Variants in PSG1 observed in about 807,000 individuals in gnomAD.
PSG1 encodes pregnancy specific beta-1-glycoprotein 1, also known as pregnancy-specific beta-1-glycoprotein 1.
PSG1 carries 60 observed loss-of-function variants against 41.4 expected under a neutral mutation model. The observed-to-expected ratio is 1.45, with a 90% confidence interval of 1.18 to 1.80. The LOEUF (loss-of-function observed/expected upper bound fraction) is 1.80. PSG1 is among the 40% of genes most tolerant of loss of function. The probability of loss-of-function intolerance (pLI) is 0.00; values close to 1 mark genes in which losing one functional copy is unlikely to be tolerated. For missense variants in PSG1, 806 were observed against 516.9 expected, an observed-to-expected ratio of 1.56 and a Z score of -5.42; for synonymous variants, 256 against 192.9, an observed-to-expected ratio of 1.33 and a Z score of -2.71.
intron 5 of PSG1, chr19:42,867,432 C>A: frequency 1.7e-6 from 1 of 573,050 alleles, no homozygotes; most frequent in Non-Finnish European, 3.1e-6. Context: ...GAGATTAAAT[C>A]TTCACAAACC....
At position 42,870,720 on chromosome 19, in the gene PSG1, T is replaced by C. The variant is rs547778311; in HGVS notation, c.709+1047A>G. ...GTTGTCTTTCTAACAATATTGATTCTTCCAATCCATGAAAATGAAATGTCT... is the reference window on the plus strand; with the variant it reads ...GTTGTCTTTCTAACAATATTGATTCCTCCAATCCATGAAAATGAAATGTCT... On this transcript the variant is annotated intron_variant, in intron 3 of 5. Coordinates refer to ENST00000436291, the MANE Select transcript of PSG1 (RefSeq NM_001184825.2). 2.0e-5 allele frequency: 3 copies of C among 151,872 alleles called. No homozygotes were observed. The East Asian group carries it at 5.8e-4, about 29-fold the overall frequency. The allele number at this position is 151,872 out of a possible 1,614,324, so 9.4% of individuals were successfully genotyped here.
chr19:42,873,027 G>A (rs1047689268), intron 2 of PSG1, among the ~76,000 whole-genome samples: 3 of 151,590 alleles, frequency 2.0e-5, no homozygotes, highest in Non-Finnish European at 4.4e-5. Flanking sequence ...CTATGTACCT[G>A]ATATCAGTGG....
At chr19:42,871,469 T>C (rs2063774302) in intron 3 of PSG1, among the ~76,000 whole-genome samples, 2 of 151,668 alleles carry the variant, frequency 1.3e-5, no homozygotes, top group South Asian at 4.2e-4. Context: ...AGTCACAACA[T>C]TGAAGTCCCA....
Position 42,877,683 on chromosome 19 carries a change from G to A in PSG1, c.430+230C>T, listed in dbSNP as rs567797950. 4.0e-5 allele frequency among the ~76,000 whole-genome samples: 6 copies of A among 151,846 alleles called. No individual in the cohort carries two copies. The South Asian group carries it at 1.3e-3, about 32-fold the overall frequency. ...CTCCTCCTGCTGAGTCCCCCCATCA[G>A]ACTGTCCTTCCTCTGCAGCGAGTGT... is the stretch of plus-strand genomic sequence containing the variant. On this transcript the variant is annotated intron_variant, in intron 2 of 5. Coordinates refer to ENST00000436291, the MANE Select transcript of PSG1 (RefSeq NM_001184825.2).
rs1600485832 is a variant in PSG1 at position 42,867,598 on chromosome 19, T to C, written c.1244-448A>G. On this transcript the variant is annotated intron_variant, in intron 5 of 5. Coordinates refer to ENST00000436291, the MANE Select transcript of PSG1 (RefSeq NM_001184825.2). ...GTGTCATGTTACAAAGAAAGCAGAT[T>C]GTTACTGTACTTGTGCAAATATGTG... The C allele has an allele frequency of 1.9e-5, 13 of 679,060 alleles. No individual in the cohort carries two copies. The East Asian group carries it at 3.4e-4, about 18-fold the overall frequency. 42.1% of individuals were successfully genotyped at this position (679,060 alleles called of 1,614,324 possible).
At chr19:42,867,543 G>T in intron 5 of PSG1, 1 of 624,984 alleles carries the variant, frequency 1.6e-6, no homozygotes, top group South Asian at 2.0e-5. Flanking sequence ...CCGAATCAAA[G>T]CATTGGTAAT....
At chr19:42,876,637 T>A in intron 2 of PSG1, 1 of 279,680 alleles carries the variant, frequency 3.6e-6, no homozygotes, top group South Asian at 4.0e-5. Flanking sequence ...CTTGATCCTC[T>A]CATGACAGTG....
rs1024532604 is a variant in PSG1 at position 42,867,512 on chromosome 19, T to C, written c.1244-362A>G. On this transcript the variant is annotated intron_variant, in intron 5 of 5. Transcript: ENST00000436291. ...CTGCAGTTCATATTGGTTCATTCTATCTATGTTTTTAATATAACATCCGAA... is the reference window on the plus strand; with the variant it reads ...CTGCAGTTCATATTGGTTCATTCTACCTATGTTTTTAATATAACATCCGAA... 3 of 598,070 alleles carry C rather than the reference T, an allele frequency of 5.0e-6. No individual in the cohort carries two copies. The African/African-American group carries it at 5.6e-5, about 11-fold the overall frequency. The allele number at this position is 598,070 out of a possible 1,614,324, so 37.0% of individuals were successfully genotyped here.
rs1303473642 is a variant in PSG1 at position 42,871,956 on chromosome 19, G to A, written c.520C>T (p.Pro174Ser). The A allele has an allele frequency of 9.9e-6, 16 of 1,612,350 alleles. No homozygotes were observed. The highest frequency in any genetic ancestry group is 1.4e-5 in the Non-Finnish European group (16 of 1,179,212). ...ATCCACCACAGGTAGCTTGCGTCTG[G>A]AGTCTCAGGGTCACAGGTTAAGCTC... is the stretch of plus-strand genomic sequence containing the variant. ...AVSLTCDPET[P>S]DASYLWWMNG... is the part of the protein sequence containing the mutation. The change falls in exon 3 of 6, where the codon CCA (proline) becomes TCA (serine). Residue 174 changes from proline (P) to serine (S), a missense_variant. By Grantham distance (74) the Pro-to-Ser change is moderately conservative (BLOSUM62 -1). Coordinates refer to ENST00000436291, the MANE Select transcript of PSG1 (RefSeq NM_001184825.2).
chr19:42,872,418 A>G (rs1314732134), intron 2 of PSG1, among the ~76,000 whole-genome samples: 6 of 151,666 alleles, frequency 4.0e-5, no homozygotes, highest in Non-Finnish European at 8.8e-5. Context: ...TGTTAGTTTC[A>G]GTCTCACTTT....
intron 3 of PSG1, chr19:42,869,524 G>T (rs148328982): frequency 0.027 from 4,607 of 170,156 alleles, 308 homozygotes; most frequent in African/African-American, 0.1. Context: ...ATACTGAGCA[G>T]CCTGGCCTGG....
rs867401793 is a variant in PSG1 at position 42,866,495 on chromosome 19, A to G, written c.*639T>C. On this transcript the variant is annotated 3_prime_UTR_variant, in exon 6 of 6. Coordinates refer to ENST00000436291, the MANE Select transcript of PSG1 (RefSeq NM_001184825.2). ...AAGGTGGTACATGTTTTATTCTGCT[A>G]GAATGTCTTACTGTCACGTTTTACA... The G allele has an allele frequency of 1.2e-5, 2 of 167,580 alleles. No individual in the cohort carries two copies. Among genetic ancestry groups the G allele is most frequent in the South Asian group, 1.6e-4 (1 of 6,170 alleles). The allele number at this position is 167,580 out of a possible 1,614,324, so 10.4% of individuals were successfully genotyped here. A position where few individuals can be genotyped will look rare whatever the true frequency, so the allele number is the denominator to read the frequency against.
chr19:42,867,338 T>G (rs1176146025), intron 5 of PSG1, 188 bp from the exon 6 acceptor site: 5 of 622,022 alleles, frequency 8.0e-6, no homozygotes, highest in African/African-American at 5.5e-5. Flanking sequence ...GTCTGATTGT[T>G]TACATAAGTG....
chr19:42,878,505 C>T (rs995818127), intron 1 of PSG1: 30 of 740,100 alleles, frequency 4.1e-5, no homozygotes, highest in Admixed American at 1.4e-4. Flanking sequence ...AGCAGCATGA[C>T]GCCCATTCCT....
Position 42,879,652 on chromosome 19 carries a change from G to A in PSG1, c.-71C>T, listed in dbSNP as rs1064471. 2.3e-5 allele frequency: 37 copies of A among 1,583,730 alleles called. 1 individual carries two copies. The African/African-American group carries it at 4.5e-4, about 19-fold the overall frequency. On this transcript the variant is annotated 5_prime_UTR_variant, in exon 1 of 6. Transcript: ENST00000436291. Reference sequence around the variant, plus strand: ...ATCCAGAAACTCTCTGAGCACGGCTGTCAGCTGTGCTGTCCTTCCTCTTTC... The same window carrying A: ...ATCCAGAAACTCTCTGAGCACGGCTATCAGCTGTGCTGTCCTTCCTCTTTC...
In PSG1 at chr19:42,867,064, T is replaced by A; in HGVS notation, c.*70A>T. 1 of 772,346 alleles carries A rather than the reference T, an allele frequency of 1.3e-6. No individual in the cohort carries two copies. Among genetic ancestry groups the A allele is most frequent in the Non-Finnish European group, 2.4e-6 (1 of 417,532 alleles). The allele number at this position is 772,346 out of a possible 1,614,324, so 47.8% of individuals were successfully genotyped here. ...TTGTCCACCTCCAGCTTATAGGGCT[T>A]CTGGAACAGAGTGGGTCTTGCTCTT... On this transcript the variant is annotated 3_prime_UTR_variant, in exon 6 of 6. Coordinates refer to ENST00000436291, the MANE Select transcript of PSG1 (RefSeq NM_001184825.2).
intron 3 of PSG1, chr19:42,870,391 C>T (rs1448479037): frequency 2.0e-5 from 3 of 151,514 alleles, no homozygotes; most frequent in Non-Finnish European, 4.4e-5. Flanking sequence ...GATATTCTTG[C>T]CCTTTTTTTT....
chr19:42,868,276 C>T lies in PSG1; in HGVS notation c.1068G>A (p.Ala356=), dbSNP rs143908561. 1.4e-4 allele frequency: 228 copies of T among 1,611,962 alleles called. 2 individuals are homozygous for T. The highest frequency in any genetic ancestry group is 1.8e-4 in the Non-Finnish European group (211 of 1,179,104). The change falls in exon 5 of 6, where the codon GCG becomes GCA. Residue 356 remains alanine, a synonymous_variant. Transcript: ENST00000436291. ...SGEVLYLSCS[A]DSNPPAQYSW... is the part of the protein sequence containing the mutation. The stretch of plus-strand genomic sequence containing the variant: ...AATACTGTGCCGGTGGGTTAGAGTC[C>T]GCAGAACAGGACAAGTAGAGGACTT...
chr19:42,867,164 A>G lies in PSG1; in HGVS notation c.1244-14T>C, dbSNP rs768006415. 1 of 767,240 alleles carries G rather than the reference A, an allele frequency of 1.3e-6. No homozygotes were observed. The highest frequency in any genetic ancestry group is 1.7e-5 in the African/African-American group (1 of 59,048). 47.5% of individuals were successfully genotyped at this position (767,240 alleles called of 1,614,324 possible). On this transcript the variant is annotated splice_polypyrimidine_tract_variant and intron_variant, in intron 5 of 5. Transcript: ENST00000436291. ...GAACTGTCCAGTCTACAGGTGGATA[A>G]TAAAAACACAGAAACAATGAACAGA...
Sources: gnomAD v4.1 joint callset for allele counts (sites outside exome capture counted in the v4.1 genomes callset) on GRCh38, gnomAD v4.1.1 for gene constraint, MANE v1.5 for transcripts, NCBI Gene and HGNC (gene_info 2026-07-23, HGNC 2026-07-21) for gene names.